The following NRF1 variants were observed in gnomAD, a reference collection of about 807,000 sequenced individuals.
NRF1 encodes the protein nuclear respiratory factor 1.
A neutral mutation model predicts 58.5 loss-of-function variants in NRF1; 5 were observed. That is an observed-to-expected ratio of 0.09 (90% CI 0.04 to 0.18). NRF1 has a LOEUF of 0.18. NRF1 is among the 10% of genes least tolerant of loss of function. The pLI is 1.00. For missense variants in NRF1, 288 were observed against 657.7 expected (o/e 0.44, Z 6.15); for synonymous variants, 224 against 246.7 (o/e 0.91, Z 0.86).
At chr7:129,619,396 G>GTATATATATATA (rs749333673) in intron 1 of NRF1, among the ~76,000 whole-genome samples, 84 of 47,342 alleles carry the variant, frequency 1.8e-3, no homozygotes, top group Admixed American at 3.1e-3. Flanking sequence ...TGGCATACGT[G>GTATATATATATA]TATATATATA....
intron 2 of NRF1, among the ~76,000 whole-genome samples, chr7:129,664,150 A>C (rs1801868006): frequency 6.7e-6 from 1 of 149,448 alleles, no homozygotes; most frequent in Non-Finnish European, 1.5e-5. Context: ...GGGAGGGGGA[A>C]AGGGAGGGAG....
chr7:129,653,667 C>CTA (rs1423709633), intron 1 of NRF1, among the ~76,000 whole-genome samples: 2 of 152,198 alleles, frequency 1.3e-5, no homozygotes, highest in African/African-American at 4.8e-5. Flanking sequence ...TTGGCAACCT[C>CTA]TAATCTTTTT....
At chr7:129,686,078 G>C (rs1802436749) in intron 4 of NRF1, among the ~76,000 whole-genome samples, 1 of 147,818 alleles carries the variant, frequency 6.8e-6, no homozygotes, top group Admixed American at 6.8e-5. Context: ...CTCCAGCCTA[G>C]GCAACAGAGT....
intron 10 of NRF1, among the ~76,000 whole-genome samples, chr7:129,752,404 G>A (rs1804140599): frequency 6.6e-6 from 1 of 152,218 alleles, no homozygotes; most frequent in Admixed American, 6.5e-5. Context: ...GCACCTGTGA[G>A]AGAGTGAGGG....
chr7:129,738,379 G>A (rs1319581114), intron 10 of NRF1, among the ~76,000 whole-genome samples: 2 of 152,224 alleles, frequency 1.3e-5, no homozygotes, highest in African/African-American at 2.4e-5. Flanking sequence ...TGTATGTGGT[G>A]CAGCACCTTG....
At chr7:129,704,240 G>A (rs1802899768) in intron 5 of NRF1, among the ~76,000 whole-genome samples, 1 of 151,844 alleles carries the variant, frequency 6.6e-6, no homozygotes, top group Non-Finnish European at 1.5e-5. Flanking sequence ...TTCCTTCTTG[G>A]TTCTAGCACC....
chr7:129,693,826 C>T (rs983988450), intron 5 of NRF1, among the ~76,000 whole-genome samples: 2 of 152,148 alleles, frequency 1.3e-5, no homozygotes, highest in African/African-American at 4.8e-5. Context: ...CCTTTGGTTT[C>T]TAATACTGTG....
chr7:129,745,271 G>T (rs1277424671), intron 10 of NRF1, among the ~76,000 whole-genome samples: 1 of 152,054 alleles, frequency 6.6e-6, no homozygotes, highest in Non-Finnish European at 1.5e-5. Context: ...GATTTCTTCT[G>T]GGAATTTACT....
intron 2 of NRF1, among the ~76,000 whole-genome samples, chr7:129,662,347 ACCAAGTGTTTTTTTT>A (rs918616550): frequency 6.6e-6 from 1 of 150,596 alleles, no homozygotes; most frequent in Non-Finnish European, 1.5e-5. Flanking sequence ...AAAACTACTA[ACCAAGTGTTTTTTTT>A]CCTCCAGTTT....
chr7:129,682,439 C>T (rs1802337678), intron 4 of NRF1, among the ~76,000 whole-genome samples: 1 of 150,258 alleles, frequency 6.7e-6, no homozygotes, highest in African/African-American at 2.5e-5. Flanking sequence ...GCCTGGATGA[C>T]AGAGCAAGAC....
At chr7:129,749,617 T>C (rs1201056736) in intron 10 of NRF1, among the ~76,000 whole-genome samples, 1 of 152,020 alleles carries the variant, frequency 6.6e-6, no homozygotes, top group East Asian at 1.9e-4. Context: ...CTATAAACCT[T>C]ACCATGAAGC....
intron 6 of NRF1, among the ~76,000 whole-genome samples, chr7:129,710,161 T>C (rs555241585): frequency 1.3e-5 from 2 of 152,348 alleles, no homozygotes; most frequent in East Asian, 3.8e-4. Context: ...AACTAGACTT[T>C]GATCAAGAAG....
rs191807206 is a variant in NRF1, at chr7:129,644,752, A to G, written c.-6-12594A>G. Among the ~76,000 whole-genome samples the G allele has an allele frequency of 8.5e-5, 13 of 152,328 alleles. No homozygotes were observed. In the East Asian group the frequency reaches 2.1e-3, roughly 25 times the overall value. On this transcript the variant is annotated intron_variant, in intron 1 of 10. Coordinates refer to ENST00000393232, the MANE Select transcript of NRF1 (RefSeq NM_005011.5). ...AAGTACATTGACTTAACTCTTCTCT[A>G]TGGAAAGATGTTCCGGCAAGCCAAA...
intron 1 of NRF1, among the ~76,000 whole-genome samples, chr7:129,636,056 A>C (rs1201297064): frequency 6.6e-6 from 1 of 152,144 alleles, no homozygotes; most frequent in Non-Finnish European, 1.5e-5. Flanking sequence ...TTAAAAGTGG[A>C]GTGCCCAGGG....
At chr7:129,657,231 T>C (rs780692632) in intron 1 of NRF1, 115 bp from the exon 2 acceptor site, 5 of 718,934 alleles carry the variant, frequency 7.0e-6, no homozygotes, top group African/African-American at 1.8e-5. Context: ...CGGTAAGTAG[T>C]GAAATTGGAA....
At chr7:129,646,800 T>C (rs1025626516) in intron 1 of NRF1, among the ~76,000 whole-genome samples, 2 of 152,084 alleles carry the variant, frequency 1.3e-5, no homozygotes, top group African/African-American at 2.4e-5. Flanking sequence ...CGAGGAATAG[T>C]GCAACTCTGA....
rs1006541551 is a variant in NRF1, at chr7:129,652,046, A to C, written c.-6-5300A>C. Among the ~76,000 whole-genome samples the C allele has an allele frequency of 4.6e-5, 7 of 152,240 alleles. No individual in the cohort carries two copies. In the East Asian group the frequency reaches 1.2e-3, roughly 25 times the overall value. On this transcript the variant is annotated intron_variant, in intron 1 of 10. Coordinates refer to ENST00000393232, the MANE Select transcript of NRF1 (RefSeq NM_005011.5). ...GAAAATTGAAAATTTGATTATCTAC[A>C]TAGAAACAAATCACCTAAAGAATAA...
chr7:129,648,469 CGG>C (rs545348158), intron 1 of NRF1, among the ~76,000 whole-genome samples: 1,594 of 151,892 alleles, frequency 0.01, 34 homozygotes, highest in East Asian at 0.055. Context: ...TTAGTAGAGA[CGG>C]GGTTTCACCG....
chr7:129,684,964 AG>A (rs1475389702), intron 4 of NRF1, among the ~76,000 whole-genome samples: 2 of 152,208 alleles, frequency 1.3e-5, no homozygotes, highest in African/African-American at 4.8e-5. Context: ...GAGAGACAAT[AG>A]GATGAAGTCA....
Sources: gnomAD v4.1 joint callset for allele counts (sites outside exome capture counted in the v4.1 genomes callset) on GRCh38, gnomAD v4.1.1 for gene constraint, MANE v1.5 for transcripts, NCBI Gene and HGNC (gene_info 2026-07-23, HGNC 2026-07-21) for gene names.